Variants in CDKAL1 observed in about 807,000 individuals in gnomAD.
CDKAL1 encodes CDKAL1 threonylcarbamoyladenosine tRNA methylthiotransferase.
Under a neutral mutation model 68.2 loss-of-function variants are expected in CDKAL1, and 32 were observed. That is an observed-to-expected ratio of 0.47 (90% confidence interval 0.35 to 0.63). The LOEUF (loss-of-function observed/expected upper bound fraction) is 0.63. CDKAL1 is among the 30% of genes least tolerant of loss of function. The pLI is 0.00. For synonymous variants in CDKAL1, 234 were observed against 244.3 expected (o/e 0.96, Z 0.39); for missense variants, 606 against 696.7 (o/e 0.87, Z 1.47).
chr6:20,789,914 A>G (rs143127484), intron 8 of CDKAL1, among the ~76,000 whole-genome samples: 4 of 152,318 alleles, frequency 2.6e-5, no homozygotes, highest in Non-Finnish European at 5.9e-5. Context: ...TTCTTTAAGA[A>G]GACCAAAGAG....
At chr6:21,189,664 TATC>T (rs1778156290) in intron 13 of CDKAL1, among the ~76,000 whole-genome samples, 2 of 152,244 alleles carry the variant, frequency 1.3e-5, no homozygotes, top group East Asian at 1.9e-4. Flanking sequence ...TTTTCTATGC[TATC>T]ATCATTTTTG....
At chr6:21,100,418 T>C (rs1352355512) in intron 12 of CDKAL1, among the ~76,000 whole-genome samples, 1 of 152,200 alleles carries the variant, frequency 6.6e-6, no homozygotes, top group Non-Finnish European at 1.5e-5. Flanking sequence ...CTGAAGACCC[T>C]GATAACTTTC....
At chr6:20,765,908 A>G (rs1017683437) in intron 7 of CDKAL1, among the ~76,000 whole-genome samples, 5 of 150,176 alleles carry the variant, frequency 3.3e-5, no homozygotes, top group African/African-American at 1.2e-4. Context: ...TATCCACTAC[A>G]AAATATGTAA....
intron 13 of CDKAL1, among the ~76,000 whole-genome samples, chr6:21,146,722 G>A (rs540882160): frequency 3.0e-4 from 45 of 152,048 alleles, no homozygotes; most frequent in African/African-American, 1.1e-3. Context: ...GTGGTGGTGG[G>A]CACCTGTAGT....
chr6:20,764,809 A>C (rs1376218297), intron 7 of CDKAL1, among the ~76,000 whole-genome samples: 1 of 152,160 alleles, frequency 6.6e-6, no homozygotes, highest in Non-Finnish European at 1.5e-5. Flanking sequence ...CAATAAAATA[A>C]TTTTTATTGA....
At chr6:20,842,280 C>T (rs1320183630) in intron 8 of CDKAL1, among the ~76,000 whole-genome samples, 1 of 152,094 alleles carries the variant, frequency 6.6e-6, no homozygotes, top group East Asian at 1.9e-4. Flanking sequence ...TAACAAATCT[C>T]TTCTTTTTAA....
At chr6:20,752,117 C>T (rs1248873944) in intron 6 of CDKAL1, among the ~76,000 whole-genome samples, 1 of 151,914 alleles carries the variant, frequency 6.6e-6, no homozygotes, top group African/African-American at 2.4e-5. Flanking sequence ...CTTGGTCTCC[C>T]CTTTTTTCCC....
At chr6:20,660,224 A>T (rs1322393194) in intron 5 of CDKAL1, among the ~76,000 whole-genome samples, 1 of 152,012 alleles carries the variant, frequency 6.6e-6, no homozygotes, top group Non-Finnish European at 1.5e-5. Flanking sequence ...AGTATATTCT[A>T]TTATTTGTTT....
chr6:20,920,227 G>A (rs1431642508), intron 9 of CDKAL1, among the ~76,000 whole-genome samples: 1 of 152,174 alleles, frequency 6.6e-6, no homozygotes, highest in Non-Finnish European at 1.5e-5. Flanking sequence ...TTGGGTGAGG[G>A]CAAAGGACAG....
intron 10 of CDKAL1, among the ~76,000 whole-genome samples, chr6:20,961,241 A>G (rs1229548296): frequency 6.6e-6 from 1 of 152,204 alleles, no homozygotes; most frequent in East Asian, 1.9e-4. Flanking sequence ...TGTGTACACC[A>G]TGGAATACTG....
intron 8 of CDKAL1, among the ~76,000 whole-genome samples, chr6:20,796,392 A>G (rs144066830): frequency 2.0e-5 from 3 of 152,334 alleles, no homozygotes; most frequent in African/African-American, 7.2e-5. Flanking sequence ...AAGATTCAGT[A>G]TAGTAAATGA....
chr6:20,825,324 C>T (rs1020329004), intron 8 of CDKAL1, among the ~76,000 whole-genome samples: 2 of 135,410 alleles, frequency 1.5e-5, no homozygotes, highest in Non-Finnish European at 3.3e-5. Context: ...TTTGAATTTG[C>T]CTTAGTAACC....
chr6:21,068,576 G>T (rs1351016584), intron 12 of CDKAL1, among the ~76,000 whole-genome samples: 1 of 152,002 alleles, frequency 6.6e-6, no homozygotes, highest in South Asian at 2.1e-4. Flanking sequence ...CATCTATTCT[G>T]TTCCTTTGGT....
intron 13 of CDKAL1, among the ~76,000 whole-genome samples, chr6:21,175,552 C>A (rs1014210321): frequency 3.3e-5 from 5 of 152,138 alleles, no homozygotes; most frequent in Admixed American, 2.0e-4. Context: ...TCTACTTTTT[C>A]TTCCACAGAT....
chr6:21,090,754 T>C (rs1040921416), intron 12 of CDKAL1, among the ~76,000 whole-genome samples: 1 of 152,076 alleles, frequency 6.6e-6, no homozygotes, highest in African/African-American at 2.4e-5. Flanking sequence ...CATATGTGTA[T>C]GTGTGAACTA....
intron 11 of CDKAL1, among the ~76,000 whole-genome samples, chr6:21,054,551 A>G (rs545079597): frequency 1.2e-3 from 180 of 152,198 alleles, no homozygotes; most frequent in Non-Finnish European, 2.0e-3. Context: ...GAGGCTTGCC[A>G]TCTTAACAAT....
rs544112862 is a variant in CDKAL1, at chr6:20,811,031, A to G, written c.638+29766A>G. Among the ~76,000 whole-genome samples, 131 of 152,306 alleles carry G rather than the reference A, an allele frequency of 8.6e-4. 2 individuals carry two copies. Among genetic ancestry groups the G allele is most frequent in the Middle Eastern group, 3.4e-3 (1 of 294 alleles). Reference sequence around the variant, plus strand: ...ATTTTTATTTAGATTCATGTAAGGAATATGAGCAGGAGACATAGCAGGTAC... The same window carrying G: ...ATTTTTATTTAGATTCATGTAAGGAGTATGAGCAGGAGACATAGCAGGTAC... On this transcript the variant is annotated intron_variant, in intron 8 of 15. Coordinates refer to ENST00000274695, the MANE Select transcript of CDKAL1 (RefSeq NM_017774.3).
At chr6:20,749,483 A>T (rs781058302) in intron 6 of CDKAL1, among the ~76,000 whole-genome samples, 2 of 151,750 alleles carry the variant, frequency 1.3e-5, no homozygotes, top group Non-Finnish European at 2.9e-5. Flanking sequence ...AGTAAGTTTA[A>T]CTGGACTGCT....
intron 2 of CDKAL1, among the ~76,000 whole-genome samples, chr6:20,537,813 G>T (rs7753956): frequency 0.067 from 10,205 of 151,822 alleles, 468 homozygotes; most frequent in African/African-American, 0.13. Flanking sequence ...TAGCTATTAC[G>T]CTGCTTTCCT....
Sources: allele counts gnomAD v4.1 joint callset (sites outside exome capture counted in the v4.1 genomes callset), GRCh38; gene constraint gnomAD v4.1.1; transcripts MANE v1.5; gene names NCBI Gene and HGNC (gene_info 2026-07-23, HGNC 2026-07-21).